CNTN5: variants seen among roughly 807,000 people sequenced by gnomAD.
CNTN5 encodes the protein contactin 5, also known as contactin-5.
Under a neutral mutation model 129.1 loss-of-function variants are expected in CNTN5, and 77 were observed. The observed-to-expected ratio is 0.60, with a 90% CI of 0.50 to 0.72. The LOEUF is 0.72. Ranked by LOEUF, CNTN5 falls within the 30% of genes least tolerant of loss-of-function variation. CNTN5 has a pLI of 0.00. For synonymous variants in CNTN5, 509 were observed against 465.6 expected (o/e 1.09, Z -1.20); for missense variants, 1,478 against 1,328.8 (o/e 1.11, Z -1.75).
At chr11:99,102,588 C>T (rs1028479153) in intron 1 of CNTN5, among the ~76,000 whole-genome samples, 2 of 152,140 alleles carry the variant, frequency 1.3e-5, no homozygotes, top group African/African-American at 4.8e-5. Context: ...CAAAATGCCA[C>T]CAATCTCCTT....
At chr11:99,939,467 A>G (rs190934971) in intron 7 of CNTN5, among the ~76,000 whole-genome samples, 1 of 152,236 alleles carries the variant, frequency 6.6e-6, no homozygotes, top group South Asian at 2.1e-4. Context: ...GCAAGTCTGT[A>G]TCTCTACAAG....
chr11:100,129,220 G>A (rs530784738), intron 13 of CNTN5, among the ~76,000 whole-genome samples: 5 of 151,698 alleles, frequency 3.3e-5, no homozygotes, highest in East Asian at 1.9e-4. Flanking sequence ...TTTATATAGC[G>A]TGCGTTATGC....
chr11:99,556,571 A>ATG (rs1252697563), intron 3 of CNTN5, among the ~76,000 whole-genome samples: 1 of 136,890 alleles, frequency 7.3e-6, no homozygotes, highest in East Asian at 2.1e-4. Context: ...ATATATATAT[A>ATG]TATATATATA....
chr11:99,651,978 A>T (rs1275119899), intron 3 of CNTN5, among the ~76,000 whole-genome samples: 3 of 152,098 alleles, frequency 2.0e-5, no homozygotes, highest in Non-Finnish European at 4.4e-5. Flanking sequence ...ACGTTGCCAC[A>T]AACTTGGCAG....
intron 1 of CNTN5, among the ~76,000 whole-genome samples, chr11:99,268,738 G>C (rs1863025425): frequency 6.6e-6 from 1 of 151,906 alleles, no homozygotes; most frequent in Non-Finnish European, 1.5e-5. Context: ...AAAAAATATG[G>C]ATATGAAATA....
chr11:99,636,720 A>G (rs1364158918), intron 3 of CNTN5, among the ~76,000 whole-genome samples: 1 of 151,916 alleles, frequency 6.6e-6, no homozygotes, highest in African/African-American at 2.4e-5. Context: ...TTAGGTTAAA[A>G]AGTAAATGAC....
intron 8 of CNTN5, among the ~76,000 whole-genome samples, chr11:99,973,258 C>T (rs911210498): frequency 2.6e-4 from 39 of 152,134 alleles, no homozygotes; most frequent in African/African-American, 9.2e-4. Context: ...CTGTGGCTCT[C>T]TGGGGATTTT....
chr11:99,611,055 G>T (rs1439725633), intron 3 of CNTN5, among the ~76,000 whole-genome samples: 2 of 152,032 alleles, frequency 1.3e-5, no homozygotes, highest in Non-Finnish European at 2.9e-5. Context: ...ACAAAGTAAA[G>T]GTCTCCATTC....
chr11:100,191,944 C>T (rs1939712), intron 14 of CNTN5, among the ~76,000 whole-genome samples: 108,600 of 151,188 alleles, frequency 0.72, 39,093 homozygotes, highest in East Asian at 0.89. Context: ...ATTGTTTTCA[C>T]TGTGCATGTA....
intron 17 of CNTN5, among the ~76,000 whole-genome samples, chr11:100,266,498 T>G (rs1950305402): frequency 6.6e-6 from 1 of 152,114 alleles, no homozygotes; most frequent in Admixed American, 6.6e-5. Flanking sequence ...AAAACCCTAA[T>G]TGTATAAAAG....
chr11:99,940,533 G>A (rs1326893083), intron 7 of CNTN5, among the ~76,000 whole-genome samples: 1 of 152,002 alleles, frequency 6.6e-6, no homozygotes, highest in African/African-American at 2.4e-5. Flanking sequence ...TGTTTATTTA[G>A]GTACAGTATT....
intron 3 of CNTN5, among the ~76,000 whole-genome samples, chr11:99,791,600 C>T (rs1195783211): frequency 1.3e-5 from 2 of 152,132 alleles, no homozygotes; most frequent in Admixed American, 6.6e-5. Context: ...GCTATTCAAG[C>T]TCTTTTTAGG....
chr11:99,153,497 T>G (rs1351233541), intron 1 of CNTN5, among the ~76,000 whole-genome samples: 3 of 151,954 alleles, frequency 2.0e-5, no homozygotes, highest in Non-Finnish European at 2.9e-5. Flanking sequence ...GGTTTTTTTT[T>G]TTTTTTCTTA....
At chr11:99,331,234 A>C (rs1175939656) in intron 2 of CNTN5, among the ~76,000 whole-genome samples, 4 of 152,272 alleles carry the variant, frequency 2.6e-5, no homozygotes, top group South Asian at 4.1e-4. Flanking sequence ...CCTCTATGAA[A>C]ACTTGATATA....
chr11:99,198,744 T>A (rs770493301), intron 1 of CNTN5, among the ~76,000 whole-genome samples: 18 of 152,218 alleles, frequency 1.2e-4, no homozygotes, highest in Non-Finnish European at 1.0e-4. Context: ...CCCTAGAAAA[T>A]AACAACACTT....
intron 2 of CNTN5, among the ~76,000 whole-genome samples, chr11:99,342,803 T>C (rs2136060589): frequency 6.6e-6 from 1 of 152,128 alleles, no homozygotes; most frequent in East Asian, 1.9e-4. Flanking sequence ...ATACTGTTTA[T>C]TTTTAGGACT....
At chr11:99,963,390 T>C (rs1274461817) in intron 8 of CNTN5, among the ~76,000 whole-genome samples, 4 of 152,240 alleles carry the variant, frequency 2.6e-5, no homozygotes, top group African/African-American at 7.2e-5. Flanking sequence ...TAGCCAGTTT[T>C]CCCAGCACCA....
intron 1 of CNTN5, among the ~76,000 whole-genome samples, chr11:99,099,068 G>T (rs1281167484): frequency 6.6e-6 from 1 of 152,086 alleles, no homozygotes; most frequent in East Asian, 1.9e-4. Context: ...GGCTTATTTT[G>T]CATGGGCCAG....
At chr11:99,623,079 C>A (rs879855778) in intron 3 of CNTN5, among the ~76,000 whole-genome samples, 1 of 152,070 alleles carries the variant, frequency 6.6e-6, no homozygotes, top group Non-Finnish European at 1.5e-5. Flanking sequence ...TTTTAAGATT[C>A]ATTTCAATGT....
Sources: allele counts gnomAD v4.1 joint callset (sites outside exome capture counted in the v4.1 genomes callset), GRCh38; gene constraint gnomAD v4.1.1; transcripts MANE v1.5; gene names NCBI Gene and HGNC (gene_info 2026-07-23, HGNC 2026-07-21).